LRRC49: variants seen among roughly 807,000 people sequenced by gnomAD.
LRRC49 encodes leucine-rich repeat-containing protein 49.
Under a neutral mutation model 83.3 loss-of-function variants are expected in LRRC49, and 50 were observed. The observed-to-expected ratio is 0.60, with a 90% CI of 0.48 to 0.76. The LOEUF is 0.76. LRRC49 is among the 30% of genes least tolerant of loss of function. LRRC49 has a pLI of 0.00. For missense variants in LRRC49, 704 were observed against 809.1 expected, an observed-to-expected ratio of 0.87 and a Z score of 1.58; for synonymous variants, 286 against 283.3, an observed-to-expected ratio of 1.01 and a Z score of -0.10.
chr15:70,916,997 C>T (rs893938954), intron 6 of LRRC49, among the ~76,000 whole-genome samples: 9 of 152,204 alleles, frequency 5.9e-5, no homozygotes, highest in Non-Finnish European at 1.3e-4. Context: ...GCTGTTGGTG[C>T]CTGCTCCAAT....
intron 9 of LRRC49, among the ~76,000 whole-genome samples, chr15:70,966,882 A>G (rs1322995789): frequency 6.6e-6 from 1 of 152,162 alleles, no homozygotes. Context: ...AGAGGCAACC[A>G]TGCAGCTGGA....
chr15:70,870,309 G>A (rs893946195), intron 1 of LRRC49, among the ~76,000 whole-genome samples: 1 of 152,236 alleles, frequency 6.6e-6, no homozygotes, highest in African/African-American at 2.4e-5. Flanking sequence ...TAAAAATTCT[G>A]CTGCAGTATC....
rs34818331 is a variant in LRRC49, at chr15:70,942,033, A to ATGTGTGTGTG, written c.773+5243_773+5252dup. Among the ~76,000 whole-genome samples, 227 of 144,182 alleles carry ATGTGTGTGTG rather than the reference A, an allele frequency of 1.6e-3. 2 individuals are homozygous for ATGTGTGTGTG. The highest frequency in any genetic ancestry group is 3.1e-3 in the African/African-American group (122 of 38,778). The allele number at this position is 144,182 out of a possible 152,430, so 94.6% of individuals were successfully genotyped here. A position where few individuals can be genotyped will look rare whatever the true frequency, so the allele number is the denominator to read the frequency against. On this transcript the variant is annotated intron_variant, in intron 8 of 15. Transcript: ENST00000260382. ...CTCCATTTTTATTACTGTAAAGGTT[A>ATGTGTGTGTG]TGTGTGTGTGTGTGTGTGTGTGTGT... is the stretch of plus-strand genomic sequence containing the variant.
intron 11 of LRRC49, among the ~76,000 whole-genome samples, chr15:71,006,625 T>C (rs2038468014): frequency 2.0e-5 from 3 of 152,102 alleles, no homozygotes; most frequent in African/African-American, 7.2e-5. Flanking sequence ...CCAAGAAATA[T>C]GTATTGAGCA....
At chr15:70,938,492 G>A (rs1445298147) in intron 8 of LRRC49, among the ~76,000 whole-genome samples, 1 of 152,110 alleles carries the variant, frequency 6.6e-6, no homozygotes, top group Admixed American at 6.5e-5. Flanking sequence ...TTGAGGCACA[G>A]TATGTTTCCT....
chr15:71,030,767 G>T (rs2039326646), intron 14 of LRRC49, among the ~76,000 whole-genome samples: 1 of 151,622 alleles, frequency 6.6e-6, no homozygotes, highest in Non-Finnish European at 1.5e-5. Context: ...TCAGTAAGTT[G>T]ATCTTCAATC....
At chr15:70,934,051 T>C (rs958715350) in intron 7 of LRRC49, among the ~76,000 whole-genome samples, 1 of 152,198 alleles carries the variant, frequency 6.6e-6, no homozygotes, top group African/African-American at 2.4e-5. Context: ...TAATGAAGTC[T>C]GCTTGCATTT....
At chr15:71,018,243 C>A (rs1172764673) in intron 14 of LRRC49, among the ~76,000 whole-genome samples, 2 of 152,072 alleles carry the variant, frequency 1.3e-5, no homozygotes, top group Non-Finnish European at 2.9e-5. Context: ...ACAGGATGAA[C>A]ACCTGGGAGG....
intron 4 of LRRC49, among the ~76,000 whole-genome samples, chr15:70,901,513 C>T (rs1177245325): frequency 1.3e-5 from 2 of 152,138 alleles, no homozygotes. Flanking sequence ...GCTGTTCCTT[C>T]TCATATCTCT....
At chr15:70,996,037 A>G (rs577967799) in intron 11 of LRRC49, among the ~76,000 whole-genome samples, 1 of 152,196 alleles carries the variant, frequency 6.6e-6, no homozygotes, top group African/African-American at 2.4e-5. Flanking sequence ...CTGGCAAAAG[A>G]TTTACTTTCT....
chr15:70,948,490 G>T, intron 8 of LRRC49, among the ~76,000 whole-genome samples: 1 of 105,032 alleles, frequency 9.5e-6, no homozygotes. Context: ...GATTCCATTA[G>T]CAAAGTTTTT....
intron 8 of LRRC49, among the ~76,000 whole-genome samples, chr15:70,938,554 TG>T (rs1366876115): frequency 1.3e-5 from 2 of 152,160 alleles, no homozygotes; most frequent in African/African-American, 4.8e-5. Flanking sequence ...GTGAATATAT[TG>T]GGTCTGAGGA....
intron 3 of LRRC49, among the ~76,000 whole-genome samples, chr15:70,897,770 A>C (rs530432437): frequency 1.1e-4 from 17 of 152,302 alleles, no homozygotes; most frequent in Middle Eastern, 6.8e-3. Flanking sequence ...GTGAGTTTAA[A>C]ACTTGATATG....
intron 12 of LRRC49, chr15:71,009,539 T>G: frequency 3.6e-6 from 1 of 281,018 alleles, no homozygotes; most frequent in Non-Finnish European, 6.6e-6. Flanking sequence ...TATGTATCTT[T>G]AAAGAATGTT....
At chr15:70,998,301 A>G (rs758663975) in intron 11 of LRRC49, among the ~76,000 whole-genome samples, 1 of 152,186 alleles carries the variant, frequency 6.6e-6, no homozygotes, top group Non-Finnish European at 1.5e-5. Context: ...TATGACTTCA[A>G]GTTACCAACT....
rs527624368 is a variant in LRRC49, at chr15:70,943,627, C to T, written c.773+6805C>T. ...TTTACTGGAGTTGCACACATGCTCA[C>T]TTGAGGCATTCTTCCCTTACCAGTC... On this transcript the variant is annotated intron_variant, in intron 8 of 15. Coordinates refer to ENST00000260382, the MANE Select transcript of LRRC49 (RefSeq NM_017691.5). 1.4e-4 allele frequency among the ~76,000 whole-genome samples: 22 copies of T among 152,332 alleles called. 1 individual carries two copies. The highest frequency in any genetic ancestry group is 4.6e-4 in the African/African-American group (19 of 41,584).
chr15:70,920,434 A>G (rs1443191975), intron 7 of LRRC49, among the ~76,000 whole-genome samples: 1 of 152,184 alleles, frequency 6.6e-6, no homozygotes, highest in East Asian at 1.9e-4. Context: ...CTGGAACTGG[A>G]CTGTTTATTT....
intron 8 of LRRC49, among the ~76,000 whole-genome samples, chr15:70,954,298 C>T (rs573349106): frequency 1.3e-5 from 2 of 152,106 alleles, no homozygotes; most frequent in South Asian, 4.1e-4. Context: ...TCAGTTTGGT[C>T]TTTTTTTAAA....
chr15:71,000,712 T>C (rs1481086618), intron 11 of LRRC49, among the ~76,000 whole-genome samples: 1 of 152,230 alleles, frequency 6.6e-6, no homozygotes, highest in East Asian at 1.9e-4. Context: ...CTGCTGTTTC[T>C]ACATTTCTGA....
Sources: allele counts gnomAD v4.1 joint callset (sites outside exome capture counted in the v4.1 genomes callset), GRCh38; gene constraint gnomAD v4.1.1; transcripts MANE v1.5; gene names NCBI Gene and HGNC (gene_info 2026-07-23, HGNC 2026-07-21).